Variants in PTPRT observed in about 807,000 individuals in gnomAD.
The protein encoded by PTPRT is receptor-type tyrosine-protein phosphatase T.
Under a neutral mutation model 176.8 loss-of-function variants are expected in PTPRT, and 56 were observed. That is an observed-to-expected ratio of 0.32 (90% CI 0.26 to 0.40). The LOEUF (loss-of-function observed/expected upper bound fraction) is 0.40. PTPRT is among the 10% of genes least tolerant of loss of function. The probability of loss-of-function intolerance (pLI) is 1.00; values close to 1 mark genes in which losing one functional copy is unlikely to be tolerated. For missense variants in PTPRT, 1,540 were observed against 1,908.2 expected (o/e 0.81, Z 3.60); for synonymous variants, 783 against 739.0 (o/e 1.06, Z -0.96).
intron 11 of PTPRT, among the ~76,000 whole-genome samples, chr20:42,336,107 T>G: frequency 6.6e-6 from 1 of 152,276 alleles, no homozygotes; most frequent in East Asian, 1.9e-4. Context: ...AATTATGTAA[T>G]AATATAATAC....
intron 9 of PTPRT, among the ~76,000 whole-genome samples, chr20:42,358,086 G>GAAA (rs35971618): frequency 2.1e-5 from 3 of 143,068 alleles, no homozygotes; most frequent in East Asian, 4.0e-4. Context: ...GAGAAATCTG[G>GAAA]AAAAAAAAAA....
intron 7 of PTPRT, among the ~76,000 whole-genome samples, chr20:42,514,596 A>T (rs1281303542): frequency 6.6e-6 from 1 of 152,166 alleles, no homozygotes; most frequent in African/African-American, 2.4e-5. Context: ...GAGAAATTCA[A>T]CGTTTTAACA....
intron 6 of PTPRT, among the ~76,000 whole-genome samples, chr20:42,754,873 C>T (rs973428593): frequency 6.6e-5 from 10 of 151,922 alleles, no homozygotes; most frequent in African/African-American, 2.2e-4. Context: ...TCAAAACAGG[C>T]GAACACTAAC....
At chr20:42,531,970 G>A (rs2072392286) in intron 7 of PTPRT, among the ~76,000 whole-genome samples, 3 of 152,206 alleles carry the variant, frequency 2.0e-5, no homozygotes. Context: ...GCCCTCATGG[G>A]AGCCTGGTGG....
intron 1 of PTPRT, among the ~76,000 whole-genome samples, chr20:43,011,664 A>C (rs750878264): frequency 4.6e-5 from 7 of 152,186 alleles, no homozygotes; most frequent in Non-Finnish European, 1.0e-4. Context: ...ATCAACCCAA[A>C]TTTCCACCCA....
chr20:42,947,978 G>A (rs1300996411), intron 1 of PTPRT, among the ~76,000 whole-genome samples: 3 of 151,960 alleles, frequency 2.0e-5, no homozygotes, highest in Non-Finnish European at 4.4e-5. Context: ...CTCAATACAT[G>A]CATTTGTTGA....
At chr20:42,776,012 C>T (rs901013848) in intron 4 of PTPRT, among the ~76,000 whole-genome samples, 1 of 152,160 alleles carries the variant, frequency 6.6e-6, no homozygotes, top group African/African-American at 2.4e-5. Flanking sequence ...GACAGGTAAT[C>T]CCTGTAAGCA....
intron 2 of PTPRT, among the ~76,000 whole-genome samples, chr20:42,807,765 C>CTCAT (rs2077633596): frequency 6.6e-6 from 1 of 152,214 alleles, no homozygotes; most frequent in Non-Finnish European, 1.5e-5. Context: ...CATTTGTTCA[C>CTCAT]TCATTCATTC....
In PTPRT at chr20:42,542,636, T is replaced by C. The variant is rs182052755; in HGVS notation, c.1154-70074A>G. On this transcript the variant is annotated intron_variant, in intron 7 of 30. Coordinates refer to ENST00000373187, the MANE Select transcript of PTPRT (RefSeq NM_007050.6). ...AAATCTATGGAAATTACATCTGCAA[T>C]TACCTTAGGACAAAGAATTCTACTT... Among the ~76,000 whole-genome samples the C allele has an allele frequency of 1.4e-4, 22 of 152,322 alleles. No homozygotes were observed. The East Asian group carries it at 4.0e-3, about 28-fold the overall frequency.
At chr20:42,255,872 A>G (rs551391879) in intron 13 of PTPRT, among the ~76,000 whole-genome samples, 63 of 152,208 alleles carry the variant, frequency 4.1e-4, no homozygotes, top group Non-Finnish European at 8.1e-4. Flanking sequence ...TCTCAGGGAC[A>G]CTATTCCTAA....
At chr20:42,248,221 T>C (rs537529120) in intron 14 of PTPRT, among the ~76,000 whole-genome samples, 1 of 152,178 alleles carries the variant, frequency 6.6e-6, no homozygotes, top group Admixed American at 6.5e-5. Flanking sequence ...CTATCTCTCA[T>C]GGAGAGGGCA....
chr20:42,391,377 C>T (rs1438859306), intron 9 of PTPRT, among the ~76,000 whole-genome samples: 1 of 152,140 alleles, frequency 6.6e-6, no homozygotes, highest in Non-Finnish European at 1.5e-5. Context: ...GTTGCAAGAA[C>T]CCAGACATGG....
chr20:42,119,933 AC>A lies in PTPRT; in HGVS notation c.2884+1del, dbSNP rs1459738132. 1 of 1,608,766 alleles carries A rather than the reference AC, an allele frequency of 6.2e-7. No homozygotes were observed. The highest frequency in any genetic ancestry group is 1.7e-5 in the Admixed American group (1 of 59,378). On this transcript the variant is annotated splice_donor_variant, in intron 20 of 30. Coordinates refer to ENST00000373187, the MANE Select transcript of PTPRT (RefSeq NM_007050.6). LOFTEE classifies it high-confidence loss of function. ...GGCACTAGGTGGAGGGAGGGCACTT[AC>A]CTTGAGTCGCAATGTAGTGCCGAGG...
intron 3 of PTPRT, among the ~76,000 whole-genome samples, chr20:42,782,521 A>G (rs1274201671): frequency 6.6e-6 from 1 of 152,214 alleles, no homozygotes; most frequent in Non-Finnish European, 1.5e-5. Flanking sequence ...AAGTGGCACT[A>G]TGACCCATTC....
chr20:42,804,594 A>T (rs1483817027), intron 2 of PTPRT, among the ~76,000 whole-genome samples: 1 of 152,220 alleles, frequency 6.6e-6, no homozygotes, highest in East Asian at 1.9e-4. Context: ...AACAAAGACC[A>T]CAAAGTGAGT....
intron 1 of PTPRT, chr20:42,968,659 A>G (rs1387469265): frequency 1.3e-5 from 2 of 152,254 alleles, no homozygotes; most frequent in Non-Finnish European, 2.9e-5. Context: ...TTTCATATGC[A>G]TCATTCATTT....
intron 9 of PTPRT, among the ~76,000 whole-genome samples, chr20:42,426,278 G>A (rs972743111): frequency 1.3e-5 from 2 of 152,052 alleles, no homozygotes; most frequent in African/African-American, 4.8e-5. Context: ...AAACAGAAGA[G>A]AAGAAGAGTA....
At chr20:42,959,309 A>T (rs908556142) in intron 1 of PTPRT, among the ~76,000 whole-genome samples, 1 of 152,204 alleles carries the variant, frequency 6.6e-6, no homozygotes, top group African/African-American at 2.4e-5. Flanking sequence ...TAAATTAAAT[A>T]AAAATAAAAA....
At chr20:42,615,399 G>T (rs1184432280) in intron 7 of PTPRT, among the ~76,000 whole-genome samples, 1 of 137,806 alleles carries the variant, frequency 7.3e-6, no homozygotes, top group South Asian at 2.2e-4. Flanking sequence ...ATAAACATAT[G>T]TGTGCATGTG....
Sources: allele counts gnomAD v4.1 joint callset (sites outside exome capture counted in the v4.1 genomes callset), GRCh38; gene constraint gnomAD v4.1.1; transcripts MANE v1.5; gene names NCBI Gene and HGNC (gene_info 2026-07-23, HGNC 2026-07-21).